The following PAICS variants were observed in gnomAD, a reference collection of about 807,000 sequenced individuals.
PAICS encodes phosphoribosylaminoimidazole carboxylase and phosphoribosylaminoimidazolesuccinocarboxamide synthase.
In PAICS, 33 loss-of-function variants were observed where a neutral mutation model predicts 53.7. The ratio of observed to expected loss-of-function variants is 0.61; its 90% CI spans 0.47 to 0.82. PAICS has a LOEUF of 0.82. PAICS is among the 40% of genes least tolerant of loss of function. PAICS has a pLI of 0.00. For missense variants in PAICS, 394 were observed against 494.1 expected (o/e 0.80, Z 1.92); for synonymous variants, 141 against 167.2 (o/e 0.84, Z 1.21).
chr4:56,434,560 C>T (rs990718579), upstream of PAICS, among the ~76,000 whole-genome samples: 9 of 152,142 alleles, frequency 5.9e-5, no homozygotes, highest in Admixed American at 3.9e-4. Flanking sequence ...AAGGATCTCC[C>T]AATTTTTCAA....
chr4:56,449,805 CAAAAAAA>C (rs753536092), intron 5 of PAICS, among the ~76,000 whole-genome samples: 7 of 92,616 alleles, frequency 7.6e-5, no homozygotes, highest in East Asian at 2.9e-4. Flanking sequence ...AACCTTGTCT[CAAAAAAA>C]AAAAAAAAAA....
chr4:56,429,502 C>T, the PAICS span, among the ~76,000 whole-genome samples: 73 of 152,070 alleles, frequency 4.8e-4, no homozygotes, highest in Non-Finnish European at 9.1e-4. Flanking sequence ...TAATATAATG[C>T]AATATAGCAT....
chr4:56,411,906 AAAG>A, the PAICS span, among the ~76,000 whole-genome samples: 5 of 152,216 alleles, frequency 3.3e-5, no homozygotes, highest in East Asian at 7.7e-4. Flanking sequence ...CATTTCATTA[AAAG>A]AAGAATCCAC....
At chr4:56,431,411 CTGTT>C (rs1717579961), upstream of PAICS, 6 of 979,810 alleles carry the variant, frequency 6.1e-6, no homozygotes, top group Non-Finnish European at 6.1e-6. Flanking sequence ...GTTCTGTACT[CTGTT>C]TGCAGAACCA....
chr4:56,411,824 G>T, the PAICS span, among the ~76,000 whole-genome samples: 4 of 152,160 alleles, frequency 2.6e-5, no homozygotes, highest in African/African-American at 9.7e-5. Flanking sequence ...TGTGAATGGG[G>T]TTAAGAGGAC....
At chr4:56,434,045 A>C (rs1388095825), upstream of PAICS, among the ~76,000 whole-genome samples, 2 of 152,188 alleles carry the variant, frequency 1.3e-5, no homozygotes, top group African/African-American at 4.8e-5. Context: ...CATAATCAAG[A>C]GTTTACTTTC....
rs548601718 is a variant in PAICS at position 56,442,433 on chromosome 4, A to G, written c.214+573A>G. Among the ~76,000 whole-genome samples, 19 of 152,334 alleles carry G rather than the reference A, an allele frequency of 1.2e-4. No homozygotes were observed. In the East Asian group the frequency reaches 1.4e-3, roughly 11 times the overall value. On this transcript the variant is annotated intron_variant, in intron 2 of 8. Transcript: ENST00000512576. ...TATTTTCAATAGAGAAATAGATTCA[A>G]AAGACCAAATGAAGATCAGAACATT...
intron 1 of PAICS, among the ~76,000 whole-genome samples, chr4:56,437,533 A>T (rs1428088725): frequency 6.6e-6 from 1 of 152,052 alleles, no homozygotes; most frequent in Non-Finnish European, 1.5e-5. Context: ...AAAAAGCTGT[A>T]GACTCAGGCC....
chr4:56,438,371 T>TA (rs1718133599), intron 1 of PAICS, among the ~76,000 whole-genome samples: 13 of 113,636 alleles, frequency 1.1e-4, no homozygotes, highest in African/African-American at 2.7e-4. Flanking sequence ...TGCAATGTGT[T>TA]TATATATATA....
In PAICS at chr4:56,457,039, T is replaced by G. The variant is rs373487112; in HGVS notation, c.1112-2333T>G. Among the ~76,000 whole-genome samples, 49 of 152,326 alleles carry G rather than the reference T, an allele frequency of 3.2e-4. No individual in the cohort carries two copies. In the East Asian group the frequency reaches 8.9e-3, roughly 28 times the overall value. On this transcript the variant is annotated intron_variant, in intron 8 of 8. Coordinates refer to ENST00000512576, the MANE Select transcript of PAICS (RefSeq NM_001079524.2). ...TCACATTAGTGTCTAGGTATTTTCTTAAGTGTTGACCAGAATTACTCAGAG... is the reference window on the plus strand; with the variant it reads ...TCACATTAGTGTCTAGGTATTTTCTGAAGTGTTGACCAGAATTACTCAGAG...
At chr4:56,434,983 A>G (rs906615352), upstream of PAICS, among the ~76,000 whole-genome samples, 1 of 152,236 alleles carries the variant, frequency 6.6e-6, no homozygotes, top group Non-Finnish European at 1.5e-5. Flanking sequence ...AGGAGCAGCC[A>G]CAGGCTCCGG....
chr4:56,436,618 C>G (rs1221463499), intron 1 of PAICS: 1 of 666,450 alleles, frequency 1.5e-6, no homozygotes, highest in Non-Finnish European at 2.8e-6. Context: ...GCAAATCAGT[C>G]TTGATTCGTC....
chr4:56,448,581 C>T lies in PAICS; in HGVS notation c.557C>T (p.Thr186Ile). The T allele has an allele frequency of 6.2e-7, 1 of 1,601,278 alleles. No homozygotes were observed. The highest frequency in any genetic ancestry group is 8.5e-7 in the Non-Finnish European group (1 of 1,171,640). ...AAATCCTGGTTGCCCCAGAATTGTA[C>T]ACTGGTTGATATGAAGGTACAGATA... ...LEKSWLPQNC[T>I]LVDMKIEFGV... The change falls in exon 4 of 9, where the codon ACA (threonine) becomes ATA (isoleucine). Residue 186 changes from threonine to isoleucine, a missense_variant. By Grantham distance (89) the Thr-to-Ile change is moderately conservative. Around this residue, in one of 3 missense-constraint regions of PAICS, gnomAD observed 131 missense variants for 205.5 expected, o/e 0.64. Transcript: ENST00000512576.
chr4:56,436,164 A>T, upstream of PAICS: 1 of 1,496,398 alleles, frequency 6.7e-7, no homozygotes, highest in Non-Finnish European at 8.9e-7. Context: ...CCTCCGGGTT[A>T]GGCGGCTGTA....
chr4:56,419,675 T>C, the PAICS span: 2 of 983,884 alleles, frequency 2.0e-6, no homozygotes, highest in Non-Finnish European at 2.4e-6. Context: ...CTGTAGCAAA[T>C]GAAGGAGGAA....
the PAICS span, chr4:56,410,702 T>A: frequency 1.0e-6 from 1 of 986,394 alleles, no homozygotes; most frequent in Non-Finnish European, 1.2e-6. Context: ...CTGGGCTAAG[T>A]ACAAAAATCT....
At chr4:56,435,660 T>G (rs1023812554), upstream of PAICS, 435 of 1,437,974 alleles carry the variant, frequency 3.0e-4, 1 homozygote, top group Admixed American at 7.5e-4. Flanking sequence ...AGCTCAGCCC[T>G]GCTCCTCCCC....
chr4:56,446,298 C>G (rs1718614207), intron 2 of PAICS: 2 of 710,518 alleles, frequency 2.8e-6, no homozygotes, highest in Admixed American at 2.0e-5. Context: ...ACTATTCCTC[C>G]CACTCCTCAG....
chr4:56,435,731 C>T (rs972501082), upstream of PAICS: 4 of 1,470,978 alleles, frequency 2.7e-6, no homozygotes, highest in Non-Finnish European at 3.6e-6. Flanking sequence ...GGCGGGGTCA[C>T]GGATGCTGTA....
Sources: gnomAD v4.1 joint callset for allele counts (sites outside exome capture counted in the v4.1 genomes callset) on GRCh38, gnomAD v4.1.1 for gene constraint, gnomAD v4.1.1 regional missense constraint, MANE v1.5 for transcripts, NCBI Gene and HGNC (gene_info 2026-07-23, HGNC 2026-07-21) for gene names.